The following CTNNA3 variants were observed in gnomAD, a reference collection of about 807,000 sequenced individuals.
The protein encoded by CTNNA3 is catenin alpha-3.
CTNNA3 carries 76 observed loss-of-function variants against 95.7 expected under a neutral mutation model. The ratio of observed to expected loss-of-function variants is 0.79; its 90% confidence interval spans 0.66 to 0.96. The LOEUF (loss-of-function observed/expected upper bound fraction) is 0.96. Among genes scored for constraint, CTNNA3 ranks in the 40% least tolerant of loss-of-function variants. CTNNA3 has a pLI of 0.00. For synonymous variants in CTNNA3, 431 were observed against 374.4 expected, an observed-to-expected ratio of 1.15 and a Z score of -1.74; for missense variants, 1,191 against 1,089.8, an observed-to-expected ratio of 1.09 and a Z score of -1.31.
chr10:66,146,562 G>C (rs995057526), intron 13 of CTNNA3, among the ~76,000 whole-genome samples: 5 of 151,956 alleles, frequency 3.3e-5, no homozygotes, highest in African/African-American at 9.7e-5. Context: ...TTGTTTGGTT[G>C]GTTGGTTTTT....
intron 7 of CTNNA3, among the ~76,000 whole-genome samples, chr10:66,823,796 G>A (rs1048106101): frequency 3.3e-5 from 5 of 152,278 alleles, no homozygotes; most frequent in African/African-American, 9.6e-5. Flanking sequence ...GATCAAAATA[G>A]CAAGGCTTAG....
intron 15 of CTNNA3, 111 bp downstream of exon 15, chr10:66,069,197 C>T (rs1318245455): frequency 1.0e-6 from 1 of 1,001,014 alleles, no homozygotes; most frequent in African/African-American, 1.6e-5. Context: ...TTTGCTTTTC[C>T]CCTACCACCT....
At chr10:66,666,848 T>C (rs1444999851) in intron 9 of CTNNA3, among the ~76,000 whole-genome samples, 4 of 152,058 alleles carry the variant, frequency 2.6e-5, no homozygotes, top group Admixed American at 6.5e-5. Flanking sequence ...ATAATGTACA[T>C]AAAGTACATT....
At chr10:66,481,306 A>G (rs1268574138) in intron 11 of CTNNA3, among the ~76,000 whole-genome samples, 2 of 152,106 alleles carry the variant, frequency 1.3e-5, no homozygotes, top group Admixed American at 1.3e-4. Context: ...GCTGTAGATT[A>G]TTTAAAAATC....
At chr10:66,827,977 T>C (rs891818775) in intron 7 of CTNNA3, among the ~76,000 whole-genome samples, 2 of 152,144 alleles carry the variant, frequency 1.3e-5, no homozygotes, top group African/African-American at 4.8e-5. Context: ...GAGGTACTAA[T>C]CAAAATGTTT....
chr10:66,617,985 C>T (rs1844587661), intron 10 of CTNNA3, among the ~76,000 whole-genome samples: 1 of 151,650 alleles, frequency 6.6e-6, no homozygotes, highest in African/African-American at 2.4e-5. Flanking sequence ...AATAAAATAA[C>T]TAGGAATCCA....
chr10:66,073,384 A>G (rs1451689816), intron 14 of CTNNA3, among the ~76,000 whole-genome samples: 1 of 152,148 alleles, frequency 6.6e-6, no homozygotes, highest in Non-Finnish European at 1.5e-5. Flanking sequence ...GACTTCAGCC[A>G]TCACTGCTAT....
chr10:65,983,539 C>T (rs1319298564), intron 16 of CTNNA3, among the ~76,000 whole-genome samples: 1 of 151,560 alleles, frequency 6.6e-6, no homozygotes. Flanking sequence ...ACTTCTCCAA[C>T]TTATTCTGTT....
intron 10 of CTNNA3, among the ~76,000 whole-genome samples, chr10:66,528,917 A>G (rs1214097780): frequency 6.6e-6 from 1 of 151,996 alleles, no homozygotes; most frequent in African/African-American, 2.4e-5. Flanking sequence ...GAAAAGAAAA[A>G]AGTTTTATGA....
intron 5 of CTNNA3, among the ~76,000 whole-genome samples, chr10:67,435,186 C>T (rs1462537934): frequency 6.6e-6 from 1 of 151,982 alleles, no homozygotes; most frequent in Non-Finnish European, 1.5e-5. Flanking sequence ...CCAATTTCAA[C>T]AGTAATTTCA....
rs756807793 is a variant in CTNNA3 at position 66,508,210 on chromosome 10, G to GTTTTTTTTTTTTTTTT, written c.1531+12406_1531+12407insAAAAAAAAAAAAAAAA. Among the ~76,000 whole-genome samples, 74 of 108,382 alleles carry GTTTTTTTTTTTTTTTT rather than the reference G, an allele frequency of 6.8e-4. 2 individuals carry two copies. The highest frequency in any genetic ancestry group is 2.6e-3 in the African/African-American group (73 of 28,276). 71.1% of individuals were successfully genotyped at this position (108,382 alleles called of 152,430 possible). A position where few individuals can be genotyped will look rare whatever the true frequency, so the allele number is the denominator to read the frequency against. ...TTTTTTTTGTTTTGTTTTGTTTTCTGTTTTTTTTTTTTTTAACAATTTCGT... is the reference window on the plus strand; with the variant it reads ...TTTTTTTTGTTTTGTTTTGTTTTCTGTTTTTTTTTTTTTTTTTTTTTTTTTTTTTTAACAATTTCGT... On this transcript the variant is annotated intron_variant, in intron 11 of 17. Transcript: ENST00000433211.
intron 7 of CTNNA3, among the ~76,000 whole-genome samples, chr10:66,851,597 T>C (rs1240844924): frequency 1.8e-4 from 15 of 81,700 alleles, no homozygotes; most frequent in Admixed American, 1.7e-3. Flanking sequence ...TGTTTAAGTG[T>C]GTGGCATCCC....
At chr10:67,443,156 T>C (rs1182455731) in intron 5 of CTNNA3, among the ~76,000 whole-genome samples, 1 of 150,332 alleles carries the variant, frequency 6.7e-6, no homozygotes, top group Non-Finnish European at 1.5e-5. Context: ...TAGTATTCCA[T>C]GGTGTATATG....
intron 11 of CTNNA3, among the ~76,000 whole-genome samples, chr10:66,470,868 A>G (rs1275240285): frequency 6.6e-6 from 1 of 151,924 alleles, no homozygotes; most frequent in Non-Finnish European, 1.5e-5. Flanking sequence ...AAATATGTAT[A>G]TCTGAAGGAC....
At chr10:66,563,292 GA>G (rs1395596556) in intron 10 of CTNNA3, among the ~76,000 whole-genome samples, 3 of 152,000 alleles carry the variant, frequency 2.0e-5, no homozygotes, top group African/African-American at 7.2e-5. Flanking sequence ...CAAATCAAAT[GA>G]AATAGCCATT....
chr10:66,943,615 A>G (rs1156498287), intron 7 of CTNNA3, among the ~76,000 whole-genome samples: 2 of 152,078 alleles, frequency 1.3e-5, no homozygotes, highest in Non-Finnish European at 2.9e-5. Context: ...AAAAATATAA[A>G]GATGTTATGT....
intron 5 of CTNNA3, among the ~76,000 whole-genome samples, chr10:67,227,096 T>TC (rs1401989580): frequency 2.7e-4 from 41 of 149,162 alleles, no homozygotes; most frequent in African/African-American, 9.8e-4. Flanking sequence ...TTTTTTTTCT[T>TC]TTTTTTTTTT....
At chr10:67,751,213 C>A (rs988313813) in intron 1 of CTNNA3, 3 of 1,282,178 alleles carry the variant, frequency 2.3e-6, no homozygotes, top group Admixed American at 3.4e-5. Context: ...GAGGACTATC[C>A]CTTCGATGCA....
chr10:66,317,271 T>A (rs543145471), intron 12 of CTNNA3, among the ~76,000 whole-genome samples: 1 of 152,116 alleles, frequency 6.6e-6, no homozygotes, highest in Admixed American at 6.6e-5. Context: ...CTTTGAATAA[T>A]TTTTTTTCCA....
Sources: allele counts gnomAD v4.1 joint callset (sites outside exome capture counted in the v4.1 genomes callset), GRCh38; gene constraint gnomAD v4.1.1; transcripts MANE v1.5; gene names NCBI Gene and HGNC (gene_info 2026-07-23, HGNC 2026-07-21).